The following DYNLT4 variants were observed in gnomAD, a reference collection of about 807,000 sequenced individuals.
DYNLT4 encodes Tctex1 domain containing 4.
A neutral mutation model predicts 1.5 loss-of-function variants in DYNLT4; 3 were observed. The observed-to-expected ratio is 1.97, with a 90% CI of 0.90 to 5.08. The LOEUF (loss-of-function observed/expected upper bound fraction) is 5.08, where lower values mean the gene tolerates loss of function less well. Among genes scored for constraint, DYNLT4 ranks in the 30% most tolerant of loss-of-function variants. The pLI, the probability that DYNLT4 is intolerant of heterozygous loss-of-function variation, is 0.02. For synonymous variants in DYNLT4, 181 were observed against 160.0 expected (o/e 1.13, Z -0.99); for missense variants, 346 against 341.0 (o/e 1.01, Z -0.12).
chr1:44,806,747 T>A (rs1344375940), intron 2 of DYNLT4, 37 bp downstream of exon 2: 31 of 1,385,578 alleles, frequency 2.2e-5, no homozygotes, highest in Non-Finnish European at 2.9e-5. Flanking sequence ...TCTTGCTCAG[T>A]GATGTCAAGG....
At chr1:44,806,987 T>C in intron 1 of DYNLT4, 149 bp from the exon 2 acceptor site, 1 of 985,292 alleles carries the variant, frequency 1.0e-6, no homozygotes, top group Non-Finnish European at 1.2e-6. Flanking sequence ...GACTGCCATT[T>C]CTCCCTTCCA....
chr1:44,806,948 A>C, intron 1 of DYNLT4, 110 bp from the exon 2 acceptor site: 1 of 985,360 alleles, frequency 1.0e-6, no homozygotes, highest in Non-Finnish European at 1.2e-6. Context: ...GCACTATGGA[A>C]GTTAGCCAGG....
rs764976408 is a variant in DYNLT4, at chr1:44,806,553, C to T, written c.116G>A (p.Arg39Gln). Reference sequence around the variant, plus strand: ...CGGGGCTGGACCTGGACCTGCCGGTCGGGCCTCATCAATGCTGGGCAGGCA... The same window carrying T: ...CGGGGCTGGACCTGGACCTGCCGGTTGGGCCTCATCAATGCTGGGCAGGCA... ...RGCLPSIDEA[R>Q]PAGPGPAPAS... is the part of the protein sequence containing the mutation. The change falls in exon 3 of 3, where the codon CGA becomes CAA. Residue 39 changes from arginine to glutamine, a missense_variant. Physicochemically the swap from Arg to Gln is conservative, Grantham distance 43. Coordinates refer to ENST00000339355, the MANE Select transcript of DYNLT4 (RefSeq NM_001377534.1). 1.1e-5 allele frequency: 16 copies of T among 1,500,502 alleles called. No individual in the cohort carries two copies. In the East Asian group the frequency reaches 2.1e-4, roughly 19 times the overall value. The allele number at this position is 1,500,502 out of a possible 1,614,324, so 92.9% of individuals were successfully genotyped here. A position where few individuals can be genotyped will look rare whatever the true frequency, so the allele number is the denominator to read the frequency against.
intron 1 of DYNLT4, among the ~76,000 whole-genome samples, 80 bp downstream of exon 1, chr1:44,807,245 T>A (rs1048896961): frequency 2.0e-5 from 3 of 152,232 alleles, no homozygotes; most frequent in African/African-American, 7.2e-5. Flanking sequence ...TTCCACCTTC[T>A]GCCTTTGGCC....
chr1:44,806,155 A>G lies in DYNLT4; in HGVS notation c.514T>C (p.Cys172Arg), dbSNP rs1226430691. Residue 172 changes from cysteine to arginine, a missense_variant, in exon 3 of 3, where the codon TGC (cysteine) becomes CGC (arginine). Coordinates refer to ENST00000339355, the MANE Select transcript of DYNLT4 (RefSeq NM_001377534.1). ...GCGCGCGGCCCCAGCACCACACTGC[A>G]TACCAGCTTGTAGCGTGGCGGGCTG... ...ELSPPRYKLV[C>R]SVVLGPRAGQ... 1 of 1,589,448 alleles carries G rather than the reference A, an allele frequency of 6.3e-7. No individual in the cohort carries two copies. The highest frequency in any genetic ancestry group is 1.1e-5 in the South Asian group (1 of 88,618).
Position 44,806,435 on chromosome 1 carries a change from C to A in DYNLT4, c.234G>T (p.Arg78=). 6.6e-7 allele frequency: 1 copy of A among 1,520,220 alleles called. No individual in the cohort carries two copies. The allele number at this position is 1,520,220 out of a possible 1,614,324, so 94.2% of individuals were successfully genotyped here. ...GAGGGGGCACCGGGCCCAGGGATGG[C>A]CGCTGACCCCCAGGACCCGCGCCTG... ...VGPGAGPGGQ[R]PSLGPVPPLG... The change falls in exon 3 of 3, where the codon CGG becomes CGT. Residue 78 remains arginine (R), a synonymous_variant. Transcript: ENST00000339355.
rs1483970166 is a variant in DYNLT4, at chr1:44,806,491, A to C, written c.178T>G (p.Ser60Ala). The change falls in exon 3 of 3, where the codon TCC (serine) becomes GCC (alanine). Residue 60 changes from serine (S) to alanine (A), a missense_variant. Physicochemically the swap from Ser to Ala is moderately conservative, Grantham distance 99. Coordinates refer to ENST00000339355, the MANE Select transcript of DYNLT4 (RefSeq NM_001377534.1). Reference sequence around the variant, plus strand: ...ACCAGCGAGTTGCGGCGGGAGAAGGACGCGGCCAGGCCCAGCATGGAGCCC... The same window carrying C: ...ACCAGCGAGTTGCGGCGGGAGAAGGCCGCGGCCAGGCCCAGCATGGAGCCC... ...RRGSMLGLAA[S>A]FSRRNSLVGP... 1 of 1,512,590 alleles carries C rather than the reference A, an allele frequency of 6.6e-7. No homozygotes were observed. The highest frequency in any genetic ancestry group is 2.6e-5 in the East Asian group (1 of 38,984). 93.7% of individuals were successfully genotyped at this position (1,512,590 alleles called of 1,614,324 possible). A position where few individuals can be genotyped will look rare whatever the true frequency, so the allele number is the denominator to read the frequency against.
intron 1 of DYNLT4, 163 bp from the exon 2 acceptor site, chr1:44,807,001 G>A (rs1176083271): frequency 1.3e-5 from 13 of 985,190 alleles, no homozygotes; most frequent in Non-Finnish European, 1.6e-5. Context: ...CCTTCCACCC[G>A]ACTTCTCTGG....
intron 1 of DYNLT4, 154 bp downstream of exon 1, chr1:44,807,171 G>C: frequency 1.0e-6 from 1 of 983,268 alleles, no homozygotes; most frequent in South Asian, 4.7e-5. Context: ...ACTCTAGGGT[G>C]GCTGGCACAA....
chr1:44,806,835 G>A lies in DYNLT4; in HGVS notation c.-63C>T. ...TAGTCCCAGGCTGCCTGGGTTCCTAGGTGCTGAGAAGGTTAAAGGCTGTTA... is the reference window on the plus strand; with the variant it reads ...TAGTCCCAGGCTGCCTGGGTTCCTAAGTGCTGAGAAGGTTAAAGGCTGTTA... On this transcript the variant is annotated 5_prime_UTR_variant, in exon 2 of 3. Transcript: ENST00000339355. 1.0e-6 allele frequency: 1 copy of A among 985,440 alleles called. No homozygotes were observed. Among genetic ancestry groups the A allele is most frequent in the Non-Finnish European group, 1.2e-6 (1 of 829,926 alleles). 61.0% of individuals were successfully genotyped at this position (985,440 alleles called of 1,614,324 possible). A position where few individuals can be genotyped will look rare whatever the true frequency, so the allele number is the denominator to read the frequency against.
chr1:44,806,066 C>G lies in DYNLT4; in HGVS notation c.603G>C (p.Ser201=). The stretch of plus-strand genomic sequence containing the variant: ...AGAGCGAGGTGTTGGTGTAGGAGAC[C>G]GAGGCCAGCCCATCGCGCGCCACGT... ...LWDVARDGLA[S]VSYTNTSLFA... The change falls in exon 3 of 3, where the codon TCG becomes TCC. Residue 201 remains serine (S), a synonymous_variant. Coordinates refer to ENST00000339355, the MANE Select transcript of DYNLT4 (RefSeq NM_001377534.1). 1.2e-6 allele frequency: 2 copies of G among 1,601,470 alleles called. No homozygotes were observed. Among genetic ancestry groups the G allele is most frequent in the Non-Finnish European group, 1.7e-6 (2 of 1,173,154 alleles).
At position 44,806,310 on chromosome 1, in the gene DYNLT4, G is replaced by A; in HGVS notation, c.359C>T (p.Ala120Val). 1 of 1,479,012 alleles carries A rather than the reference G, an allele frequency of 6.8e-7. No individual in the cohort carries two copies. The highest frequency in any genetic ancestry group is 2.5e-5 in the Admixed American group (1 of 40,146). 91.6% of individuals were successfully genotyped at this position (1,479,012 alleles called of 1,614,324 possible). The change falls in exon 3 of 3, where the codon GCT becomes GTT. Residue 120 changes from alanine to valine, a missense_variant. Coordinates refer to ENST00000339355, the MANE Select transcript of DYNLT4 (RefSeq NM_001377534.1). ...TEPVPGERWE[A>V]ARAQRALEAA... Reference sequence around the variant, plus strand: ...CTCCAGGGCACGCTGTGCACGCGCAGCCTCCCAGCGCTCCCCGGGCACTGG... The same window carrying A: ...CTCCAGGGCACGCTGTGCACGCGCAACCTCCCAGCGCTCCCCGGGCACTGG...
Position 44,806,600 on chromosome 1 carries a change from G to C in DYNLT4, c.69C>G (p.Pro23=), listed in dbSNP as rs1383389024. 1 of 1,479,002 alleles carries C rather than the reference G, an allele frequency of 6.8e-7. No homozygotes were observed. Among genetic ancestry groups the C allele is most frequent in the Non-Finnish European group, 8.9e-7 (1 of 1,118,104 alleles). 91.6% of individuals were successfully genotyped at this position (1,479,002 alleles called of 1,614,324 possible). A position where few individuals can be genotyped will look rare whatever the true frequency, so the allele number is the denominator to read the frequency against. ...GGCAGCCTCGGGGCCGCACCGGTGA[G>C]GGTTTCCGCCCGGAGTCTTTGGCAT... ...EENAKDSGRK[P]SPVRPRGCLP... Residue 23 remains proline (P), a synonymous_variant, in exon 3 of 3, where the codon CCC becomes CCG. Coordinates refer to ENST00000339355, the MANE Select transcript of DYNLT4 (RefSeq NM_001377534.1).
rs1245607287 is a variant in DYNLT4 at position 44,806,127 on chromosome 1, C to T, written c.542G>A (p.Gly181Asp). The T allele has an allele frequency of 6.2e-7, 1 of 1,601,370 alleles. No individual in the cohort carries two copies. Among genetic ancestry groups the T allele is most frequent in the Non-Finnish European group, 8.5e-7 (1 of 1,175,182 alleles). ...ACGGCTGACCACGTGAACGCCCTGG[C>T]CCGCGCGCGGCCCCAGCACCACACT... ...VCSVVLGPRA[G>D]QGVHVVSRAL... Residue 181 changes from glycine (G) to aspartate (D), a missense_variant, in exon 3 of 3, where the codon GGC (glycine) becomes GAC (aspartate). By Grantham distance (94) the Gly-to-Asp change is moderately conservative. Coordinates refer to ENST00000339355, the MANE Select transcript of DYNLT4 (RefSeq NM_001377534.1).
rs376813906 is a variant in DYNLT4 at position 44,806,129 on chromosome 1, C to T, written c.540G>A (p.Ala180=). The part of the protein sequence containing the change: ...LVCSVVLGPR[A]GQGVHVVSRA... The stretch of plus-strand genomic sequence containing the variant: ...GGCTGACCACGTGAACGCCCTGGCC[C>T]GCGCGCGGCCCCAGCACCACACTGC... The change falls in exon 3 of 3, where the codon GCG becomes GCA. Residue 180 remains alanine, a synonymous_variant. Coordinates refer to ENST00000339355, the MANE Select transcript of DYNLT4 (RefSeq NM_001377534.1). The T allele has an allele frequency of 1.2e-4, 200 of 1,600,064 alleles. No homozygotes were observed. In the African/African-American group the frequency reaches 1.3e-3, roughly 10 times the overall value.
intron 1 of DYNLT4, 96 bp downstream of exon 1, chr1:44,807,229 G>A (rs1652156731): frequency 1.3e-6 from 1 of 757,222 alleles, no homozygotes; most frequent in Non-Finnish European, 1.6e-6. Context: ...GACTCATGAA[G>A]CCCCCTTCCA....
Position 44,806,212 on chromosome 1 carries a change from A to C in DYNLT4, c.457T>G (p.Cys153Gly). The change falls in exon 3 of 3, where the codon TGC (cysteine) becomes GGC (glycine). Residue 153 changes from cysteine (C) to glycine (G), a missense_variant. Coordinates refer to ENST00000339355, the MANE Select transcript of DYNLT4 (RefSeq NM_001377534.1). ...CGCAGGCGAACGTGCACCTGCTCGC[A>C]GAGCTCCCGCACCAGCCGCGCGGCC... is the stretch of plus-strand genomic sequence containing the variant. ...DEAARLVREL[C>G]EQVHVRLREL... 4 of 1,540,800 alleles carry C rather than the reference A, an allele frequency of 2.6e-6. No individual in the cohort carries two copies. The highest frequency in any genetic ancestry group is 8.7e-7 in the Non-Finnish European group (1 of 1,147,054).
chr1:44,806,064 A>G lies in DYNLT4; in HGVS notation c.605T>C (p.Val202Ala). ...WDVARDGLASVSYTNTSLFAV... is the reference protein window; with the variant it reads ...WDVARDGLASASYTNTSLFAV... ...GAAGAGCGAGGTGTTGGTGTAGGAG[A>G]CCGAGGCCAGCCCATCGCGCGCCAC... The change falls in exon 3 of 3, where the codon GTC becomes GCC. Residue 202 changes from valine (V) to alanine (A), a missense_variant. Transcript: ENST00000339355. The G allele has an allele frequency of 6.2e-7, 1 of 1,601,812 alleles. No individual in the cohort carries two copies. Among genetic ancestry groups the G allele is most frequent in the Non-Finnish European group, 8.5e-7 (1 of 1,173,292 alleles).
Position 44,806,166 on chromosome 1 carries a change from T to A in DYNLT4, c.503A>T (p.Tyr168Phe), listed in dbSNP as rs373111522. The change falls in exon 3 of 3, where the codon TAC (tyrosine) becomes TTC (phenylalanine). Residue 168 changes from tyrosine (Y) to phenylalanine (F), a missense_variant. Transcript: ENST00000339355. Reference sequence around the variant, plus strand: ...CAGCACCACACTGCATACCAGCTTGTAGCGTGGCGGGCTGAGCTCGCGCAG... The same window carrying A: ...CAGCACCACACTGCATACCAGCTTGAAGCGTGGCGGGCTGAGCTCGCGCAG... ...VRLRELSPPR[Y>F]KLVCSVVLGP... 1.3e-6 allele frequency: 2 copies of A among 1,577,780 alleles called. No homozygotes were observed.
Sources: gnomAD v4.1 joint callset for allele counts (sites outside exome capture counted in the v4.1 genomes callset) on GRCh38, gnomAD v4.1.1 for gene constraint, MANE v1.5 for transcripts, NCBI Gene and HGNC (gene_info 2026-07-23, HGNC 2026-07-21) for gene names.